The following PRKCZ variants were observed in gnomAD, a reference collection of about 807,000 sequenced individuals.
PRKCZ encodes protein kinase C zeta type.
In PRKCZ, 33 loss-of-function variants were observed where a neutral mutation model predicts 79.5. The ratio of observed to expected loss-of-function variants is 0.41; its 90% CI spans 0.31 to 0.55. The LOEUF is 0.55. PRKCZ is among the 20% of genes least tolerant of loss of function. The pLI, the probability that PRKCZ is intolerant of heterozygous loss-of-function variation, is 0.19. For missense variants in PRKCZ, 578 were observed against 813.5 expected, an observed-to-expected ratio of 0.71 and a Z score of 3.52; for synonymous variants, 342 against 320.9, an observed-to-expected ratio of 1.07 and a Z score of -0.70.
intron 4 of PRKCZ, among the ~76,000 whole-genome samples, chr1:2,065,266 A>G (rs747112967): frequency 1.2e-4 from 18 of 152,240 alleles, no homozygotes; most frequent in Non-Finnish European, 2.5e-4. Flanking sequence ...TCTTACATGT[A>G]AGATCATATC....
At position 2,128,707 on chromosome 1, in the gene PRKCZ, C is replaced by T. The variant is rs907699504; in HGVS notation, c.335-6555C>T. 6.6e-6 allele frequency among the ~76,000 whole-genome samples: 1 copy of T among 152,158 alleles called. No homozygotes were observed. Among genetic ancestry groups the T allele is most frequent in the Non-Finnish European group, 1.5e-5 (1 of 68,026 alleles). On this transcript the variant is annotated intron_variant, in intron 4 of 17. Transcript: ENST00000378567. This position sits in a 1 kb window ranked among gnomAD's most constrained non-coding sequence, Gnocchi z 6.5. ...CAATGGGCACGTGACATCGAGCCAGCTCTGACTCCAAAGCCTGACCCGTGT... is the reference window on the plus strand; with the variant it reads ...CAATGGGCACGTGACATCGAGCCAGTTCTGACTCCAAAGCCTGACCCGTGT...
chr1:2,099,068 CGTT>C (rs1180139079), intron 4 of PRKCZ, among the ~76,000 whole-genome samples: 3 of 151,964 alleles, frequency 2.0e-5, no homozygotes, highest in African/African-American at 4.8e-5. Context: ...CTGTGACTTC[CGTT>C]GTTGTCTGTG....
chr1:2,054,073 C>T (rs1659936189), intron 1 of PRKCZ, among the ~76,000 whole-genome samples: 1 of 152,134 alleles, frequency 6.6e-6, no homozygotes, highest in African/African-American at 2.4e-5. Context: ...CGGCTGTGGA[C>T]CGATCCTGTG....
At chr1:2,074,222 C>CT in intron 4 of PRKCZ, 1 of 1,550,466 alleles carries the variant, frequency 6.4e-7, no homozygotes, top group African/African-American at 1.4e-5. Flanking sequence ...GTGGAGGGAC[C>CT]TTCTGAGCGA....
In PRKCZ at chr1:2,172,115, C is replaced by T. The variant is rs975659331; in HGVS notation, c.1122C>T (p.Tyr374=). 13 of 1,613,394 alleles carry T rather than the reference C, an allele frequency of 8.1e-6. No individual in the cohort carries two copies. The highest frequency in any genetic ancestry group is 2.2e-5 in the East Asian group (1 of 44,890). ...TCCTGCACGAGAGGGGGATCATCTA[C>T]AGGGACCTGAAGCTGGACAACGTCC... ...LNFLHERGII[Y]RDLKLDNVLL... is the part of the protein sequence containing the mutation. Residue 374 remains tyrosine, a synonymous_variant, in exon 12 of 18, where the codon TAC becomes TAT. Coordinates refer to ENST00000378567, the MANE Select transcript of PRKCZ (RefSeq NM_002744.6). The surrounding 1 kb of genome is among the most constrained non-coding windows in gnomAD (Gnocchi z 7.8).
intron 10 of PRKCZ, among the ~76,000 whole-genome samples, chr1:2,164,524 G>A (rs1410377017): frequency 1.3e-5 from 2 of 152,178 alleles, no homozygotes; most frequent in African/African-American, 2.4e-5. Context: ...GGGCCAGCTC[G>A]AGGAATGGGG....
At chr1:2,106,837 ACGTGT>A (rs1557575891) in intron 4 of PRKCZ, among the ~76,000 whole-genome samples, 2 of 48,206 alleles carry the variant, frequency 4.1e-5, no homozygotes, top group Non-Finnish European at 1.0e-4. Flanking sequence ...GGACCTCCAC[ACGTGT>A]CACCAGGCCA....
At chr1:2,107,671 C>G (rs969088958) in intron 4 of PRKCZ, among the ~76,000 whole-genome samples, 6 of 151,988 alleles carry the variant, frequency 3.9e-5, no homozygotes, top group African/African-American at 1.5e-4. Flanking sequence ...TAACACTGAC[C>G]TTGGGTTCTC....
intron 4 of PRKCZ, among the ~76,000 whole-genome samples, chr1:2,124,676 A>G (rs56260599): frequency 0.16 from 24,603 of 152,004 alleles, 2,541 homozygotes; most frequent in Non-Finnish European, 0.24. Context: ...GAGCCGACGG[A>G]GACAGTTCCA....
intron 4 of PRKCZ, among the ~76,000 whole-genome samples, chr1:2,080,342 C>T (rs577591908): frequency 3.2e-4 from 49 of 152,192 alleles, no homozygotes; most frequent in African/African-American, 1.1e-3. Context: ...GTGGACGTGG[C>T]GGTGCGCGTG....
intron 4 of PRKCZ, among the ~76,000 whole-genome samples, chr1:2,077,168 C>T (rs1662582935): frequency 1.3e-5 from 2 of 152,222 alleles, no homozygotes; most frequent in East Asian, 1.9e-4. Flanking sequence ...GGCTTCGTTT[C>T]GTCCACGCTC....
chr1:2,057,366 A>G (rs908312095), intron 3 of PRKCZ, among the ~76,000 whole-genome samples: 1 of 152,194 alleles, frequency 6.6e-6, no homozygotes, highest in African/African-American at 2.4e-5. Context: ...CGCTGTGGCC[A>G]GCCGGTCACG....
rs748055339 is a variant in PRKCZ at position 2,185,053 on chromosome 1, A to G, written c.*44A>G. The G allele has an allele frequency of 7.2e-6, 11 of 1,536,526 alleles. No individual in the cohort carries two copies. The highest frequency in any genetic ancestry group is 9.8e-6 in the Non-Finnish European group (11 of 1,122,262). On this transcript the variant is annotated 3_prime_UTR_variant, in exon 18 of 18. Transcript: ENST00000378567. ...CGTGGACACGCGTGATTGACCCTTTAACTGTATCCTTAACCACCGCATATG... is the reference window on the plus strand; with the variant it reads ...CGTGGACACGCGTGATTGACCCTTTGACTGTATCCTTAACCACCGCATATG...
At position 2,050,678 on chromosome 1, in the gene PRKCZ, C is replaced by T. The variant is rs1476198418; in HGVS notation, c.48C>T (p.Val16=). Residue 16 remains valine, a synonymous_variant, in exon 1 of 18, where the codon GTC becomes GTT. Coordinates refer to ENST00000378567, the MANE Select transcript of PRKCZ (RefSeq NM_002744.6). ...GPKMEGSGGR[V]RLKAHYGGDI... is the part of the protein sequence containing the mutation. ...AGATGGAAGGGAGCGGCGGCCGCGT[C>T]CGCCTCAAGGCGCATTACGGGGGGT... 6 of 1,227,614 alleles carry T rather than the reference C, an allele frequency of 4.9e-6. No homozygotes were observed. In the South Asian group the frequency reaches 2.1e-4, roughly 42 times the overall value. The allele number at this position is 1,227,614 out of a possible 1,614,324, so 76.0% of individuals were successfully genotyped here. A position where few individuals can be genotyped will look rare whatever the true frequency, so the allele number is the denominator to read the frequency against.
rs548803071 is a variant in PRKCZ at position 2,082,268 on chromosome 1, C to T, written c.334+22677C>T. The T allele has an allele frequency of 3.8e-5, 16 of 417,052 alleles. No individual in the cohort carries two copies. The highest frequency in any genetic ancestry group is 2.1e-4 in the East Asian group (3 of 14,162). The allele number at this position is 417,052 out of a possible 1,614,324, so 25.8% of individuals were successfully genotyped here. On this transcript the variant is annotated intron_variant, in intron 4 of 17. Coordinates refer to ENST00000378567, the MANE Select transcript of PRKCZ (RefSeq NM_002744.6). The surrounding 1 kb of genome is among the most constrained non-coding windows in gnomAD (Gnocchi z 4.4). ...TGTGTATTTGGCAAGAGGGAGGCTC[C>T]GTGGCACGATCACACGTGCAGGAGC...
At chr1:2,065,532 A>T (rs890097682) in intron 4 of PRKCZ, among the ~76,000 whole-genome samples, 2 of 152,114 alleles carry the variant, frequency 1.3e-5, no homozygotes, top group African/African-American at 2.4e-5. Flanking sequence ...ACAAAAAATT[A>T]TCCGGGCGTG....
Position 2,050,718 on chromosome 1 carries a change from G to A in PRKCZ, c.71+17G>A, listed in dbSNP as rs962507867. 2.5e-6 allele frequency: 3 copies of A among 1,207,966 alleles called. No homozygotes were observed. Among genetic ancestry groups the A allele is most frequent in the Non-Finnish European group, 3.1e-6 (3 of 967,244 alleles). 74.8% of individuals were successfully genotyped at this position (1,207,966 alleles called of 1,614,324 possible). A position where few individuals can be genotyped will look rare whatever the true frequency, so the allele number is the denominator to read the frequency against. On this transcript the variant is annotated intron_variant, in intron 1 of 17. Transcript: ENST00000378567. ...TTACGGGGGGTGAGCGGCGGAGAGG[G>A]CGGGGAGCGGCGCGGGTGAGGCAGG...
chr1:2,174,739 G>C lies in PRKCZ; in HGVS notation c.1406-15G>C, dbSNP rs112903589. On this transcript the variant is annotated splice_polypyrimidine_tract_variant and intron_variant, in intron 14 of 17. Transcript: ENST00000378567. This position sits in a 1 kb window ranked among gnomAD's most constrained non-coding sequence, Gnocchi z 6.2. ...CACAACACAGGCAAGTCCTCACCAG[G>C]CTCCGCCCTTGCAGTGATCCTGGAG... The C allele has an allele frequency of 9.3e-4, 1,499 of 1,613,186 alleles. 16 individuals are homozygous for C. The highest frequency in any genetic ancestry group is 8.1e-3 in the Middle Eastern group (49 of 6,024).
chr1:2,073,182 C>T (rs1475975138), intron 4 of PRKCZ, among the ~76,000 whole-genome samples: 2 of 152,068 alleles, frequency 1.3e-5, no homozygotes, highest in Non-Finnish European at 2.9e-5. Flanking sequence ...TGAGGGTGTG[C>T]GTTTCCAGGC....
Sources: allele counts gnomAD v4.1 joint callset (sites outside exome capture counted in the v4.1 genomes callset), GRCh38; gene constraint gnomAD v4.1.1; non-coding constraint Gnocchi (gnomAD v3.1); transcripts MANE v1.5; gene names NCBI Gene and HGNC (gene_info 2026-07-23, HGNC 2026-07-21).